The following TTC3 variants were observed in gnomAD, a reference collection of about 807,000 sequenced individuals.
The protein encoded by TTC3 is tetratricopeptide repeat domain 3.
TTC3 carries 180 observed loss-of-function variants against 249.6 expected under a neutral mutation model. The ratio of observed to expected loss-of-function variants is 0.72; its 90% confidence interval spans 0.64 to 0.82. The LOEUF is 0.82. TTC3 is among the 40% of genes least tolerant of loss of function. The pLI is 0.00. For synonymous variants in TTC3, 717 were observed against 805.0 expected (o/e 0.89, Z 1.85); for missense variants, 2,061 against 2,398.4 (o/e 0.86, Z 2.94).
At chr21:37,196,364 G>A (rs2084915231) in intron 42 of TTC3, among the ~76,000 whole-genome samples, 1 of 151,444 alleles carries the variant, frequency 6.6e-6, no homozygotes, top group African/African-American at 2.4e-5. Flanking sequence ...AGCCTCCTGA[G>A]AAGCTGGGAT....
chr21:37,152,479 C>T (rs1382916010), intron 26 of TTC3, among the ~76,000 whole-genome samples: 5 of 151,550 alleles, frequency 3.3e-5, no homozygotes, highest in South Asian at 2.1e-4. Context: ...CTCCGCCTCC[C>T]GGGTTCACGC....
chr21:37,186,954 T>G (rs1224971828), intron 37 of TTC3, 95 bp from the exon 38 acceptor site: 3 of 647,412 alleles, frequency 4.6e-6, no homozygotes, highest in African/African-American at 3.8e-5. Context: ...GAGGCTATCG[T>G]GGTGTGGTTT....
chr21:37,201,336 C>G (rs2085478874), intron 45 of TTC3, 104 bp from the exon 46 acceptor site: 2 of 1,471,784 alleles, frequency 1.4e-6, no homozygotes, highest in Admixed American at 1.7e-5. Context: ...CCCAAGAGAC[C>G]AAGGGCAAGT....
chr21:37,121,684 T>G (rs940723569), intron 11 of TTC3, 133 bp from the exon 12 acceptor site: 1 of 824,758 alleles, frequency 1.2e-6, no homozygotes, highest in Non-Finnish European at 1.8e-6. Context: ...TTTACATTTA[T>G]TTTTCATTGG....
rs34827915 is a variant in TTC3 at position 37,141,421 on chromosome 21, C to CCG, written c.1772+748_1772+749insCG. ...ATGAGATTTTGGGGAATCCCCCCCCCAGCCATCTTAGAATGTGCCTAGAAC... is the reference window on the plus strand; with the variant it reads ...ATGAGATTTTGGGGAATCCCCCCCCCCGAGCCATCTTAGAATGTGCCTAGAAC... On this transcript the variant is annotated intron_variant, in intron 20 of 45. Transcript: ENST00000355666. Among the ~76,000 whole-genome samples the CCG allele has an allele frequency of 9.2e-5, 14 of 151,872 alleles. No homozygotes were observed. In the South Asian group the frequency reaches 2.9e-3, roughly 32 times the overall value.
At chr21:37,172,883 A>G in intron 35 of TTC3, 139 bp downstream of exon 35, 2 of 1,078,594 alleles carry the variant, frequency 1.9e-6, no homozygotes, top group Non-Finnish European at 2.6e-6. Flanking sequence ...CGCCTGCTTC[A>G]GATTTCTTCA....
intron 11 of TTC3, among the ~76,000 whole-genome samples, chr21:37,118,384 C>G (rs2147854020): frequency 6.6e-6 from 1 of 152,238 alleles, no homozygotes; most frequent in African/African-American, 2.4e-5. Context: ...GACTCACTTT[C>G]AGGATTTAGA....
At chr21:37,088,983 C>T in intron 5 of TTC3, 97 bp downstream of exon 5, 4 of 1,084,278 alleles carry the variant, frequency 3.7e-6, no homozygotes, top group Non-Finnish European at 5.4e-6. Flanking sequence ...TAGCAATTAA[C>T]AGGTAATGGT....
chr21:37,104,252 T>C (rs2074825133), intron 10 of TTC3, among the ~76,000 whole-genome samples: 1 of 152,018 alleles, frequency 6.6e-6, no homozygotes, highest in Non-Finnish European at 1.5e-5. Context: ...AGGAATAAAT[T>C]TGTAGGAGGT....
chr21:37,150,964 T>C (rs1271892792), intron 25 of TTC3, 80 bp downstream of exon 25: 14 of 1,120,302 alleles, frequency 1.2e-5, no homozygotes, highest in African/African-American at 3.2e-5. Context: ...TTCTAAATTA[T>C]GCCTTTTTAA....
At chr21:37,107,516 A>T (rs2075197633) in intron 10 of TTC3, among the ~76,000 whole-genome samples, 1 of 152,180 alleles carries the variant, frequency 6.6e-6, no homozygotes, top group South Asian at 2.1e-4. Flanking sequence ...ATGAAAGTAC[A>T]TTTAATAATG....
chr21:37,144,725 A>G, intron 21 of TTC3, 80 bp downstream of exon 21: 1 of 1,509,736 alleles, frequency 6.6e-7, no homozygotes, highest in Non-Finnish European at 8.9e-7. Flanking sequence ...GGAGGCGGAG[A>G]GGTAGGAGCA....
intron 19 of TTC3, among the ~76,000 whole-genome samples, chr21:37,139,816 AAAAT>A (rs1490104084): frequency 1.3e-5 from 2 of 152,206 alleles, no homozygotes; most frequent in Non-Finnish European, 2.9e-5. Context: ...TTAGAAAAAA[AAAAT>A]GTGTTATAGT....
At chr21:37,162,058 C>T in exon 31 of TTC3, 12 of 1,547,462 alleles carry the variant, frequency 7.8e-6, no homozygotes, top group Non-Finnish European at 1.1e-5. Flanking sequence ...CAAGTGAAGA[C>T]CATAGGTAAG....
intron 35 of TTC3, among the ~76,000 whole-genome samples, chr21:37,178,915 C>T (rs2082498982): frequency 6.6e-6 from 1 of 151,960 alleles, no homozygotes; most frequent in Non-Finnish European, 1.5e-5. Context: ...GAGCCAGGAT[C>T]ATGCCATTGC....
At chr21:37,172,710 A>T in exon 35 of TTC3, 1 of 1,614,032 alleles carries the variant, frequency 6.2e-7, no homozygotes, top group Non-Finnish European at 8.5e-7. Context: ...AGGGACCTGG[A>T]AGAGAAGTTG....
chr21:37,074,126 T>C (rs1373134833), intron 1 of TTC3, among the ~76,000 whole-genome samples: 1 of 152,198 alleles, frequency 6.6e-6, no homozygotes, highest in African/African-American at 2.4e-5. Context: ...GAACTGGCAG[T>C]CCAGTCCAGG....
chr21:37,129,159 T>C (rs1203097746), intron 16 of TTC3, 96 bp downstream of exon 16: 5 of 715,668 alleles, frequency 7.0e-6, no homozygotes. Flanking sequence ...GCTACTTTAA[T>C]GTATGTATTA....
At chr21:37,165,577 T>C (rs1305614197) in exon 33 of TTC3, 10 of 1,603,226 alleles carry the variant, frequency 6.2e-6, no homozygotes, top group Non-Finnish European at 7.7e-6. Context: ...TGGAGGAACA[T>C]GGTCCCTTGG....
Sources: gnomAD v4.1 joint callset for allele counts (sites outside exome capture counted in the v4.1 genomes callset) on GRCh38, gnomAD v4.1.1 for gene constraint, MANE v1.5 for transcripts, NCBI Gene and HGNC (gene_info 2026-07-23, HGNC 2026-07-21) for gene names.